Variants in DHX57 observed in about 807,000 individuals in gnomAD.
The protein encoded by DHX57 is putative ATP-dependent RNA helicase DHX57.
In DHX57, 105 loss-of-function variants were observed where a neutral mutation model predicts 156.2. That is an observed-to-expected ratio of 0.67 (90% confidence interval 0.57 to 0.79). The LOEUF (loss-of-function observed/expected upper bound fraction) is 0.79, where lower values mean the gene tolerates loss of function less well. DHX57 is among the 30% of genes least tolerant of loss of function. The probability of loss-of-function intolerance (pLI) is 0.00; values close to 1 mark genes in which losing one functional copy is unlikely to be tolerated. For missense variants in DHX57, 1,847 were observed against 1,661.9 expected, an observed-to-expected ratio of 1.11 and a Z score of -1.94; for synonymous variants, 704 against 595.6, an observed-to-expected ratio of 1.18 and a Z score of -2.65.
intron 9 of DHX57, among the ~76,000 whole-genome samples, chr2:38,852,752 C>T (rs1241664619): frequency 6.6e-6 from 1 of 152,012 alleles, no homozygotes; most frequent in Non-Finnish European, 1.5e-5. Flanking sequence ...GTAGCTGGAA[C>T]TACAAGCATG....
intron 22 of DHX57, among the ~76,000 whole-genome samples, chr2:38,805,734 T>C (rs532417540): frequency 0.21 from 90 of 430 alleles, 3 homozygotes; most frequent in South Asian, 0.52. Flanking sequence ...TGGGGATCAT[T>C]GAGTTTGATT....
Position 38,828,399 on chromosome 2 carries a change from G to A in DHX57, c.2580C>T (p.Ile860=). The change falls in exon 14 of 24, where the codon ATC becomes ATT. Residue 860 remains isoleucine, a synonymous_variant. Transcript: ENST00000457308. ...ACTGTAGCTGTTCATAAAGCATTTT[G>A]ATTTCTGCTAGTCCTGGTAAAAATA... ...ILVFLPGLAE[I]KMLYEQLQSN... 6.2e-7 allele frequency: 1 copy of A among 1,613,570 alleles called. No homozygotes were observed. Among genetic ancestry groups the A allele is most frequent in the Non-Finnish European group, 8.5e-7 (1 of 1,179,760 alleles).
At chr2:38,831,804 C>T (rs901511977) in intron 13 of DHX57, among the ~76,000 whole-genome samples, 1 of 148,934 alleles carries the variant, frequency 6.7e-6, no homozygotes, top group Non-Finnish European at 1.5e-5. Flanking sequence ...TTGCAGTGAG[C>T]TGAGATCACA....
chr2:38,842,683 T>G (rs573985141), intron 12 of DHX57, among the ~76,000 whole-genome samples: 11 of 152,150 alleles, frequency 7.2e-5, no homozygotes, highest in Non-Finnish European at 1.3e-4. Flanking sequence ...CCTTGCGAAC[T>G]TTTCCATAAA....
chr2:38,858,866 T>C lies in DHX57; in HGVS notation c.1412-30A>G, dbSNP rs1218316456. ...AAGGAAATAAAAGAAAACATTTCAG[T>C]ATGGAGCCCTTTCTTTAACAAAAGG... On this transcript the variant is annotated intron_variant, in intron 5 of 23. Coordinates refer to ENST00000457308, the MANE Select transcript of DHX57 (RefSeq NM_198963.3). The C allele has an allele frequency of 3.2e-6, 5 of 1,581,940 alleles. No individual in the cohort carries two copies. The South Asian group carries it at 5.9e-5, about 19-fold the overall frequency.
At chr2:38,806,328 C>A (rs1376229197) in intron 22 of DHX57, 3 of 446,336 alleles carry the variant, frequency 6.7e-6, no homozygotes, top group Non-Finnish European at 7.8e-6. Context: ...AATTTTATAT[C>A]TGAAAGCAGG....
chr2:38,799,650 T>G (rs1056638095), intron 23 of DHX57, among the ~76,000 whole-genome samples: 1 of 145,522 alleles, frequency 6.9e-6, no homozygotes, highest in African/African-American at 2.6e-5. Context: ...CTCGGGAGGC[T>G]GAGGCAGGAG....
chr2:38,803,133 A>AG (rs1479867362), intron 22 of DHX57: 1 of 554,100 alleles, frequency 1.8e-6, no homozygotes, highest in Non-Finnish European at 3.1e-6. Context: ...TAAAAAAAAA[A>AG]AAGCTTTTAT....
chr2:38,802,361 C>A (rs1669722550), intron 23 of DHX57, among the ~76,000 whole-genome samples: 1 of 151,430 alleles, frequency 6.6e-6, no homozygotes, highest in South Asian at 2.1e-4. Context: ...GATCTCGGCT[C>A]ACTGCAACCT....
intron 1 of DHX57, among the ~76,000 whole-genome samples, chr2:38,872,327 A>G (rs1255744483): frequency 6.6e-6 from 1 of 152,262 alleles, no homozygotes; most frequent in African/African-American, 2.4e-5. Flanking sequence ...AAAAATAGAC[A>G]TTGAGAAATA....
Position 38,798,440 on chromosome 2 carries a change from C to CTTT in DHX57, c.4019_4020insAAA (p.Val1340_Ala1341insLys). The stretch of plus-strand genomic sequence containing the variant: ...AACGAAGCTCCTTTACCAGTTCAGC[C>CTTT]ACCTAAAATGAAAGCTACAATATAA... On this transcript the variant is annotated inframe_insertion and splice_region_variant, in exon 24 of 24. Transcript: ENST00000457308. 6.2e-7 allele frequency: 1 copy of CTTT among 1,608,864 alleles called. No individual in the cohort carries two copies. Among genetic ancestry groups the CTTT allele is most frequent in the South Asian group, 1.1e-5 (1 of 90,066 alleles).
intron 17 of DHX57, among the ~76,000 whole-genome samples, chr2:38,820,908 C>T (rs1670779919): frequency 6.7e-6 from 1 of 148,466 alleles, no homozygotes; most frequent in African/African-American, 2.5e-5. Context: ...TGACACTCTA[C>T]CCAACAGCAA....
intron 16 of DHX57, among the ~76,000 whole-genome samples, chr2:38,824,566 A>C (rs1178067418): frequency 6.6e-6 from 1 of 152,238 alleles, no homozygotes; most frequent in Non-Finnish European, 1.5e-5. Flanking sequence ...TGACTGCTAT[A>C]CAATTAAAGG....
rs775592201 is a variant in DHX57 at position 38,798,459 on chromosome 2, A to C, written c.4018-17T>G. The C allele has an allele frequency of 3.1e-6, 5 of 1,604,064 alleles. No individual in the cohort carries two copies. The highest frequency in any genetic ancestry group is 4.3e-6 in the Non-Finnish European group (5 of 1,176,120). On this transcript the variant is annotated splice_polypyrimidine_tract_variant and intron_variant, in intron 23 of 23. Transcript: ENST00000457308. ...TTCAGCCACCTAAAATGAAAGCTAC[A>C]ATATAAGCAGTGCTTGGAGGAACAG...
At chr2:38,860,097 G>A (rs913003570) in intron 5 of DHX57, among the ~76,000 whole-genome samples, 1 of 151,980 alleles carries the variant, frequency 6.6e-6, no homozygotes, top group Non-Finnish European at 1.5e-5. Context: ...GGGATTACAG[G>A]CATGAGCCAC....
intron 19 of DHX57, among the ~76,000 whole-genome samples, chr2:38,818,197 G>C (rs1038476869): frequency 6.6e-6 from 1 of 152,058 alleles, no homozygotes; most frequent in African/African-American, 2.4e-5. Flanking sequence ...ATACAATTTT[G>C]TATACAATTT....
intron 1 of DHX57, among the ~76,000 whole-genome samples, chr2:38,874,727 A>G (rs781404291): frequency 8.5e-5 from 13 of 152,132 alleles, no homozygotes; most frequent in Non-Finnish European, 1.5e-4. Context: ...TGTATTTTCA[A>G]TCTGTGTTGG....
At chr2:38,822,965 C>G (rs775148254) in intron 17 of DHX57, 28 bp downstream of exon 17, 3 of 1,608,338 alleles carry the variant, frequency 1.9e-6, no homozygotes, top group East Asian at 4.5e-5. Flanking sequence ...CTTAGAGACT[C>G]CAGTTTAGAT....
At chr2:38,815,817 C>G in intron 19 of DHX57, 162 bp from the exon 20 acceptor site, 1 of 863,624 alleles carries the variant, frequency 1.2e-6, no homozygotes, top group Non-Finnish European at 1.7e-6. Flanking sequence ...TGGTCATTTC[C>G]AAGAAGCAGC....
Sources: gnomAD v4.1 joint callset for allele counts (sites outside exome capture counted in the v4.1 genomes callset) on GRCh38, gnomAD v4.1.1 for gene constraint, MANE v1.5 for transcripts, NCBI Gene and HGNC (gene_info 2026-07-23, HGNC 2026-07-21) for gene names.